SOX5: variants seen among roughly 807,000 people sequenced by gnomAD.
SOX5 encodes the protein transcription factor SOX-5.
Under a neutral mutation model 92.0 loss-of-function variants are expected in SOX5, and 9 were observed. The ratio of observed to expected loss-of-function variants is 0.10; its 90% CI spans 0.06 to 0.17. The LOEUF is 0.17. SOX5 is among the 10% of genes least tolerant of loss of function. The pLI is 1.00. For synonymous variants in SOX5, 344 were observed against 336.3 expected (o/e 1.02, Z -0.25); for missense variants, 642 against 944.5 (o/e 0.68, Z 4.20).
At chr12:24,237,069 T>C (rs1318420837) in intron 3 of SOX5, among the ~76,000 whole-genome samples, 1 of 152,206 alleles carries the variant, frequency 6.6e-6, no homozygotes, top group Non-Finnish European at 1.5e-5. Context: ...AAATTGATAA[T>C]TTTTGATGTA....
chr12:24,291,339 T>C (rs1946598961), intron 2 of SOX5, among the ~76,000 whole-genome samples: 1 of 152,230 alleles, frequency 6.6e-6, no homozygotes, highest in Non-Finnish European at 1.5e-5. Flanking sequence ...TCCAAAGGCA[T>C]GAGCAGGTAA....
intron 2 of SOX5, among the ~76,000 whole-genome samples, chr12:23,848,883 G>T (rs2096601910): frequency 1.3e-5 from 2 of 152,256 alleles, no homozygotes; most frequent in South Asian, 4.1e-4. Flanking sequence ...TCAGAATAAA[G>T]TTGATAATCT....
intron 11 of SOX5, among the ~76,000 whole-genome samples, chr12:23,555,465 A>G (rs758018552): frequency 5.3e-5 from 8 of 151,906 alleles, no homozygotes; most frequent in Non-Finnish European, 1.2e-4. Flanking sequence ...AGAAAATTAA[A>G]CCATAAAAAG....
intron 3 of SOX5, among the ~76,000 whole-genome samples, chr12:23,757,602 G>A (rs951643381): frequency 6.6e-6 from 1 of 151,920 alleles, no homozygotes; most frequent in African/African-American, 2.4e-5. Flanking sequence ...AAATTCTTGA[G>A]TAGCATGTAA....
rs147086802 is a variant in SOX5 at position 24,517,727 on chromosome 12, C to T, written c.-251+44602G>A. 3.7e-4 allele frequency among the ~76,000 whole-genome samples: 55 copies of T among 148,970 alleles called. 1 individual carries two copies. In the East Asian group the frequency reaches 0.011, roughly 29 times the overall value. On this transcript the variant is annotated intron_variant, in intron 1 of 4. Coordinates refer to the SOX5 transcript ENST00000446891. ...TGTTTTTTTTTTTTTTTTAACAATC[C>T]TCCCAGGTTTACAACTCAGCAACAG...
At chr12:23,840,620 G>A (rs77047705) in intron 3 of SOX5, among the ~76,000 whole-genome samples, 424 of 152,200 alleles carry the variant, frequency 2.8e-3, no homozygotes, top group Non-Finnish European at 4.6e-3. Flanking sequence ...GATGATACTG[G>A]CAAGACGATA....
At chr12:23,736,645 T>A (rs2093605351) in intron 5 of SOX5, among the ~76,000 whole-genome samples, 1 of 151,506 alleles carries the variant, frequency 6.6e-6, no homozygotes, top group African/African-American at 2.4e-5. Context: ...GCTTTAATTT[T>A]ATCTTTGGAA....
chr12:24,059,276 T>C (rs1592760355), intron 4 of SOX5, among the ~76,000 whole-genome samples: 1 of 152,278 alleles, frequency 6.6e-6, no homozygotes, highest in South Asian at 2.1e-4. Flanking sequence ...CACAGCACTC[T>C]CATCGCACCA....
At chr12:24,161,643 G>T (rs1433007755) in intron 4 of SOX5, among the ~76,000 whole-genome samples, 1 of 152,026 alleles carries the variant, frequency 6.6e-6, no homozygotes, top group East Asian at 1.9e-4. Context: ...TTGCAAAGAG[G>T]AAAAGCAGAG....
intron 11 of SOX5, among the ~76,000 whole-genome samples, chr12:23,556,291 A>T (rs1447592436): frequency 6.6e-6 from 1 of 152,204 alleles, no homozygotes; most frequent in African/African-American, 2.4e-5. Context: ...ATTTTATATA[A>T]ATTTGCAGGG....
chr12:24,062,162 T>A (rs2137287711), intron 4 of SOX5, among the ~76,000 whole-genome samples: 1 of 152,238 alleles, frequency 6.6e-6, no homozygotes, highest in East Asian at 1.9e-4. Flanking sequence ...TGTACAATAG[T>A]AACAAGAAAG....
intron 3 of SOX5, among the ~76,000 whole-genome samples, chr12:23,840,188 C>T (rs1034996164): frequency 2.7e-4 from 41 of 151,548 alleles, no homozygotes; most frequent in African/African-American, 8.7e-4. Flanking sequence ...CAGCAACAAA[C>T]AATTGAAATA....
intron 3 of SOX5, among the ~76,000 whole-genome samples, chr12:23,843,346 G>GT: frequency 6.6e-6 from 1 of 152,032 alleles, no homozygotes; most frequent in South Asian, 2.1e-4. Context: ...ATGTATCAAT[G>GT]TTGGTTCATT....
chr12:24,401,356 G>A (rs4963571), intron 1 of SOX5, among the ~76,000 whole-genome samples: 109,149 of 144,178 alleles, frequency 0.76, 41,696 homozygotes, highest in East Asian at 0.95. Context: ...CATCTCAGGG[G>A]AAAAAAAAAA....
intron 3 of SOX5, among the ~76,000 whole-genome samples, chr12:23,798,203 C>T (rs917786270): frequency 2.0e-5 from 3 of 151,864 alleles, no homozygotes; most frequent in East Asian, 1.9e-4. Flanking sequence ...AAAACATAGG[C>T]GTTTCTATCT....
At chr12:23,764,213 T>A (rs1369538265) in intron 3 of SOX5, among the ~76,000 whole-genome samples, 1 of 152,092 alleles carries the variant, frequency 6.6e-6, no homozygotes, top group East Asian at 1.9e-4. Context: ...CAACAAAAGA[T>A]TTTCATGACT....
intron 4 of SOX5, among the ~76,000 whole-genome samples, chr12:23,748,333 A>G (rs1352331011): frequency 6.6e-6 from 1 of 152,090 alleles, no homozygotes; most frequent in African/African-American, 2.4e-5. Flanking sequence ...AACAAAGAAA[A>G]GTCCTTGATT....
intron 1 of SOX5, among the ~76,000 whole-genome samples, chr12:23,938,542 C>A (rs762102536): frequency 6.6e-6 from 1 of 150,930 alleles, no homozygotes; most frequent in Non-Finnish European, 1.5e-5. Flanking sequence ...ATTTATTCTA[C>A]GAAATGATTC....
chr12:23,646,876 A>G (rs1438545158), intron 7 of SOX5, among the ~76,000 whole-genome samples: 1 of 151,994 alleles, frequency 6.6e-6, no homozygotes, highest in Non-Finnish European at 1.5e-5. Context: ...GATGTCTTGA[A>G]CCCCTCAAAG....
Sources: gnomAD v4.1 joint callset for allele counts (sites outside exome capture counted in the v4.1 genomes callset) on GRCh38, gnomAD v4.1.1 for gene constraint, MANE v1.5 for transcripts, NCBI Gene and HGNC (gene_info 2026-07-23, HGNC 2026-07-21) for gene names.